SORCS2: variants seen among roughly 807,000 people sequenced by gnomAD.
SORCS2 encodes the protein VPS10 domain-containing receptor SorCS2.
A neutral mutation model predicts 141.6 loss-of-function variants in SORCS2; 100 were observed. The observed-to-expected ratio is 0.71, with a 90% CI of 0.60 to 0.83. SORCS2 has a LOEUF of 0.83. Ranked by LOEUF, SORCS2 falls within the 40% of genes least tolerant of loss-of-function variation. SORCS2 has a pLI of 0.00. For missense variants in SORCS2, 1,646 were observed against 1,560.2 expected (o/e 1.05, Z -0.93); for synonymous variants, 789 against 676.9 (o/e 1.17, Z -2.57).
intron 1 of SORCS2, among the ~76,000 whole-genome samples, chr4:7,368,232 ACT>A (rs1041455631): frequency 2.0e-5 from 3 of 152,080 alleles, no homozygotes; most frequent in African/African-American, 7.2e-5. Flanking sequence ...AGTGAGCCAG[ACT>A]CTCCAGGGAG....
At chr4:7,488,446 C>T (rs1054673720) in intron 2 of SORCS2, among the ~76,000 whole-genome samples, 6 of 152,182 alleles carry the variant, frequency 3.9e-5, no homozygotes, top group African/African-American at 9.7e-5. Context: ...CCATGAGCGC[C>T]GCCTGGCTAC....
intron 1 of SORCS2, among the ~76,000 whole-genome samples, chr4:7,331,469 C>T (rs552384555): frequency 1.3e-4 from 20 of 152,242 alleles, no homozygotes; most frequent in East Asian, 7.7e-4. Flanking sequence ...GAAGGAGGTA[C>T]GGACTGCGGT....
At chr4:7,467,238 C>T (rs554993921) in intron 2 of SORCS2, among the ~76,000 whole-genome samples, 5 of 152,188 alleles carry the variant, frequency 3.3e-5, no homozygotes, top group Non-Finnish European at 5.9e-5. Flanking sequence ...GGGCGAATGA[C>T]GTGTCATCCA....
At position 7,638,596 on chromosome 4, in the gene SORCS2, G is replaced by A. The variant is rs554809438; in HGVS notation, c.813+104G>A. 69 of 1,258,924 alleles carry A rather than the reference G, an allele frequency of 5.5e-5. No individual in the cohort carries two copies. In the East Asian group the frequency reaches 1.2e-3, roughly 21 times the overall value. 78.0% of individuals were successfully genotyped at this position (1,258,924 alleles called of 1,614,324 possible). A position where few individuals can be genotyped will look rare whatever the true frequency, so the allele number is the denominator to read the frequency against. On this transcript the variant is annotated intron_variant, in intron 4 of 26. Transcript: ENST00000507866. ...GAGCAAGTGGGACCCGGAACCCCTG[G>A]GCTGGCTGAGGAGGAGCCTCCCGGG...
intron 8 of SORCS2, among the ~76,000 whole-genome samples, chr4:7,670,675 G>A (rs1166520263): frequency 6.6e-6 from 1 of 152,176 alleles, no homozygotes; most frequent in Non-Finnish European, 1.5e-5. Flanking sequence ...CCAGGGCAAG[G>A]CATGGATGGC....
In SORCS2 at chr4:7,517,166, G is replaced by A. The variant is rs77565815; in HGVS notation, c.549-14364G>A. 3.8e-3 allele frequency among the ~76,000 whole-genome samples: 586 copies of A among 152,276 alleles called. 3 individuals carry two copies. The highest frequency in any genetic ancestry group is 0.014 in the African/African-American group (568 of 41,572). Reference sequence around the variant, plus strand: ...GATCAGACACACTGAGGACACGCATGGTGATTATGTCTGTGGGTCAGTGTT... The same window carrying A: ...GATCAGACACACTGAGGACACGCATAGTGATTATGTCTGTGGGTCAGTGTT... On this transcript the variant is annotated intron_variant, in intron 2 of 26. Transcript: ENST00000507866.
At chr4:7,565,532 A>G (rs1354657048) in intron 3 of SORCS2, among the ~76,000 whole-genome samples, 1 of 152,218 alleles carries the variant, frequency 6.6e-6, no homozygotes, top group Admixed American at 6.5e-5. Context: ...GATAAAGAAG[A>G]TGATGGTGAC....
chr4:7,402,913 A>C (rs193089418), intron 2 of SORCS2, among the ~76,000 whole-genome samples: 9 of 151,930 alleles, frequency 5.9e-5, no homozygotes, highest in African/African-American at 2.2e-4. Flanking sequence ...TGGGTTGCTT[A>C]ACTTTTTCTT....
intron 2 of SORCS2, chr4:7,430,711 G>A (rs2109223000): frequency 6.6e-6 from 1 of 152,404 alleles, no homozygotes; most frequent in African/African-American, 2.4e-5. Flanking sequence ...TCCTTGCTGG[G>A]ATGGGTCTCC....
intron 9 of SORCS2, among the ~76,000 whole-genome samples, chr4:7,680,887 T>G (rs1363200196): frequency 6.6e-6 from 1 of 152,248 alleles, no homozygotes; most frequent in East Asian, 1.9e-4. Context: ...GCAAAAGATC[T>G]GTACCACCAT....
Position 7,543,416 on chromosome 4 carries a change from T to TCC in SORCS2, c.648+11787_648+11788insCC, listed in dbSNP as rs1560372317. 1.6e-4 allele frequency among the ~76,000 whole-genome samples: 12 copies of TCC among 76,516 alleles called. No individual in the cohort carries two copies. In the East Asian group the frequency reaches 5.1e-3, roughly 33 times the overall value. The allele number at this position is 76,516 out of a possible 152,430, so 50.2% of individuals were successfully genotyped here. A position where few individuals can be genotyped will look rare whatever the true frequency, so the allele number is the denominator to read the frequency against. Reference sequence around the variant, plus strand: ...CCATCCATCCATCCACCCATCCATCTATCCATCCATCCGTCCATCCATCCA... The same window carrying TCC: ...CCATCCATCCATCCACCCATCCATCTCCATCCATCCATCCGTCCATCCATCCA... On this transcript the variant is annotated intron_variant, in intron 3 of 26. Transcript: ENST00000507866.
intron 2 of SORCS2, among the ~76,000 whole-genome samples, chr4:7,522,348 T>C (rs1477523599): frequency 1.3e-5 from 2 of 152,254 alleles, no homozygotes; most frequent in Admixed American, 1.3e-4. Context: ...ACTCAGCAGT[T>C]AAGCAGCCGA....
chr4:7,258,151 T>A (rs1010118608), intron 1 of SORCS2, among the ~76,000 whole-genome samples: 5 of 152,000 alleles, frequency 3.3e-5, no homozygotes, highest in East Asian at 1.9e-4. Flanking sequence ...TTAAAAAAAT[T>A]TTTTTTTAAA....
At chr4:7,416,546 G>T (rs926925030) in intron 2 of SORCS2, among the ~76,000 whole-genome samples, 3 of 151,826 alleles carry the variant, frequency 2.0e-5, no homozygotes, top group Non-Finnish European at 4.4e-5. Flanking sequence ...ACGCCCACAC[G>T]TGCATGCATG....
chr4:7,375,820 T>A (rs1226411591), intron 1 of SORCS2, among the ~76,000 whole-genome samples: 1 of 152,122 alleles, frequency 6.6e-6, no homozygotes, highest in African/African-American at 2.4e-5. Context: ...ATGTCTGGGG[T>A]TTGTGTCGAG....
intron 2 of SORCS2, among the ~76,000 whole-genome samples, chr4:7,470,982 G>A (rs1025782214): frequency 3.3e-5 from 5 of 152,128 alleles, no homozygotes; most frequent in Non-Finnish European, 5.9e-5. Context: ...GTCAGACAGA[G>A]TAGTCATGGG....
intron 3 of SORCS2, among the ~76,000 whole-genome samples, chr4:7,534,739 A>G (rs1240592955): frequency 6.6e-6 from 1 of 152,208 alleles, no homozygotes; most frequent in African/African-American, 2.4e-5. Context: ...TGGAAAAGCC[A>G]AGGAAATGGA....
intron 1 of SORCS2, among the ~76,000 whole-genome samples, chr4:7,230,480 C>T (rs891004545): frequency 2.1e-5 from 3 of 141,926 alleles, no homozygotes; most frequent in African/African-American, 8.0e-5. Flanking sequence ...AGTCTCTGGG[C>T]AGGAGCAGTG....
At chr4:7,694,849 C>A (rs1724492302) in intron 11 of SORCS2, among the ~76,000 whole-genome samples, 1 of 152,172 alleles carries the variant, frequency 6.6e-6, no homozygotes, top group Non-Finnish European at 1.5e-5. Context: ...GCTCCCTCTT[C>A]CTTGGACACC....
Sources: allele counts gnomAD v4.1 joint callset (sites outside exome capture counted in the v4.1 genomes callset), GRCh38; gene constraint gnomAD v4.1.1; transcripts MANE v1.5; gene names NCBI Gene and HGNC (gene_info 2026-07-23, HGNC 2026-07-21).